Variants in MSRB3 observed in about 807,000 individuals in gnomAD.
MSRB3 encodes methionine-R-sulfoxide reductase B3.
Under a neutral mutation model 21.0 loss-of-function variants are expected in MSRB3, and 13 were observed. That is an observed-to-expected ratio of 0.62 (90% CI 0.40 to 0.98). MSRB3 has a LOEUF of 0.98. Among genes scored for constraint, MSRB3 ranks in the 50% least tolerant of loss-of-function variants. MSRB3 has a pLI of 0.00. For missense variants in MSRB3, 199 were observed against 230.3 expected (o/e 0.86, Z 0.88); for synonymous variants, 87 against 88.6 (o/e 0.98, Z 0.10).
At chr12:65,314,015 T>A (rs1874145515) in intron 2 of MSRB3, among the ~76,000 whole-genome samples, 1 of 152,188 alleles carries the variant, frequency 6.6e-6, no homozygotes, top group Admixed American at 6.5e-5. Context: ...GTTAAGAACA[T>A]ATGGATTTAT....
At chr12:65,283,805 T>G (rs1872185494) in intron 1 of MSRB3, 1 of 152,220 alleles carries the variant, frequency 6.6e-6, no homozygotes, top group African/African-American at 2.4e-5. Context: ...GATACTCTGA[T>G]GCTTTTATGG....
intron 1 of MSRB3, among the ~76,000 whole-genome samples, chr12:65,296,122 A>G (rs962201427): frequency 2.0e-5 from 3 of 152,220 alleles, no homozygotes; most frequent in Non-Finnish European, 4.4e-5. Context: ...TGATTCATTG[A>G]AATAGTTGGT....
chr12:65,335,560 C>T (rs945364031), intron 4 of MSRB3, among the ~76,000 whole-genome samples: 3 of 152,196 alleles, frequency 2.0e-5, no homozygotes, highest in Admixed American at 6.5e-5. Context: ...CTATTCTGTT[C>T]ACCACTAAAA....
At chr12:65,398,674 T>C (rs997710691) in intron 5 of MSRB3, among the ~76,000 whole-genome samples, 3 of 152,204 alleles carry the variant, frequency 2.0e-5, no homozygotes, top group African/African-American at 7.2e-5. Context: ...AGTCATGAAG[T>C]CTTTGCCCAT....
intron 1 of MSRB3, among the ~76,000 whole-genome samples, chr12:65,287,063 A>G (rs565734670): frequency 2.0e-4 from 30 of 149,316 alleles, no homozygotes; most frequent in Non-Finnish European, 3.6e-4. Flanking sequence ...CAAAAACCGA[A>G]AAACAACTCA....
Position 65,414,929 on chromosome 12 carries a change from C to A in MSRB3, c.293-38799C>A, listed in dbSNP as rs144384678. Among the ~76,000 whole-genome samples the A allele has an allele frequency of 1.6e-3, 242 of 151,996 alleles. 1 individual carries two copies. The Middle Eastern group carries it at 0.027, about 17-fold the overall frequency. On this transcript the variant is annotated intron_variant, in intron 5 of 6. Transcript: ENST00000308259. ...ATTTAGAGGTGCTTATAAGTCATCC[C>A]CATGGAAATGTTATATAAATGTTGG...
intron 3 of MSRB3, among the ~76,000 whole-genome samples, 182 bp from the exon 4 acceptor site, chr12:65,328,344 C>G (rs916971392): frequency 6.6e-6 from 1 of 151,636 alleles, no homozygotes; most frequent in Non-Finnish European, 1.5e-5. Flanking sequence ...TAGTTATATG[C>G]ACATTTTATT....
intron 4 of MSRB3, chr12:65,344,068 T>C (rs1431032690): frequency 6.6e-6 from 1 of 152,016 alleles, no homozygotes; most frequent in African/African-American, 2.4e-5. Flanking sequence ...TTTGAGAGGA[T>C]TAAGTAAATA....
At chr12:65,352,901 A>G (rs1238022914) in intron 4 of MSRB3, among the ~76,000 whole-genome samples, 1 of 151,874 alleles carries the variant, frequency 6.6e-6, no homozygotes, top group East Asian at 1.9e-4. Context: ...AAGGTAATTT[A>G]CAGATTCAAT....
chr12:65,285,496 A>G (rs1217811890), intron 1 of MSRB3: 1 of 152,214 alleles, frequency 6.6e-6, no homozygotes, highest in Non-Finnish European at 1.5e-5. Context: ...GGTTTATAAA[A>G]TGTGGAGATG....
At chr12:65,382,992 A>T (rs1382152783) in intron 5 of MSRB3, among the ~76,000 whole-genome samples, 1 of 152,056 alleles carries the variant, frequency 6.6e-6, no homozygotes, top group African/African-American at 2.4e-5. Context: ...TTCTTTGCAA[A>T]ATTAGTATGC....
intron 5 of MSRB3, among the ~76,000 whole-genome samples, chr12:65,417,201 C>T (rs1442987840): frequency 6.6e-6 from 1 of 151,872 alleles, no homozygotes; most frequent in Non-Finnish European, 1.5e-5. Context: ...GATATTTGTC[C>T]TATAATACTT....
At chr12:65,297,058 T>C (rs1216662820) in intron 1 of MSRB3, among the ~76,000 whole-genome samples, 1 of 152,238 alleles carries the variant, frequency 6.6e-6, no homozygotes, top group African/African-American at 2.4e-5. Flanking sequence ...AACAAGATTA[T>C]GTCCTTTGCA....
At chr12:65,386,333 T>C (rs865958870) in intron 5 of MSRB3, among the ~76,000 whole-genome samples, 6 of 152,098 alleles carry the variant, frequency 3.9e-5, no homozygotes, top group African/African-American at 1.4e-4. Context: ...GACACACCAT[T>C]ACACATGTAT....
intron 5 of MSRB3, among the ~76,000 whole-genome samples, chr12:65,413,624 C>T (rs766765488): frequency 2.0e-5 from 3 of 152,134 alleles, no homozygotes; most frequent in Non-Finnish European, 2.9e-5. Flanking sequence ...GTGACAATCA[C>T]TGTTATTGGT....
At chr12:65,307,742 A>G (rs1428050476) in intron 1 of MSRB3, among the ~76,000 whole-genome samples, 1 of 152,226 alleles carries the variant, frequency 6.6e-6, no homozygotes, top group African/African-American at 2.4e-5. Flanking sequence ...AGACATTAAA[A>G]AACATTTTTA....
At chr12:65,368,716 C>T (rs1245099126) in intron 4 of MSRB3, among the ~76,000 whole-genome samples, 1 of 151,962 alleles carries the variant, frequency 6.6e-6, no homozygotes, top group Non-Finnish European at 1.5e-5. Flanking sequence ...GATCAGGTGC[C>T]TTTTAAAAAA....
intron 2 of MSRB3, among the ~76,000 whole-genome samples, chr12:65,310,390 G>A (rs142682194): frequency 3.9e-5 from 6 of 152,322 alleles, no homozygotes; most frequent in African/African-American, 1.4e-4. Flanking sequence ...AGGTTTGTCT[G>A]TTGAATTGTA....
intron 5 of MSRB3, among the ~76,000 whole-genome samples, chr12:65,404,867 G>A (rs888334898): frequency 6.6e-6 from 1 of 151,796 alleles, no homozygotes; most frequent in Non-Finnish European, 1.5e-5. Context: ...TGTTATTTCT[G>A]TATAACTGAA....
Sources: allele counts gnomAD v4.1 joint callset (sites outside exome capture counted in the v4.1 genomes callset), GRCh38; gene constraint gnomAD v4.1.1; transcripts MANE v1.5; gene names NCBI Gene and HGNC (gene_info 2026-07-23, HGNC 2026-07-21).